Variants in FARP1 observed in about 807,000 individuals in gnomAD.
FARP1 encodes the protein FERM, ARH/RhoGEF and pleckstrin domain protein 1, also known as FERM, ARHGEF and pleckstrin domain-containing protein 1.
In FARP1, 52 loss-of-function variants were observed where a neutral mutation model predicts 128.8. That is an observed-to-expected ratio of 0.40 (90% CI 0.32 to 0.51). The LOEUF is 0.51. Ranked by LOEUF, FARP1 falls within the 20% of genes least tolerant of loss-of-function variation. The probability of loss-of-function intolerance (pLI) is 0.45; values close to 1 mark genes in which losing one functional copy is unlikely to be tolerated. For synonymous variants in FARP1, 580 were observed against 551.8 expected (o/e 1.05, Z -0.72); for missense variants, 1,333 against 1,367.9 (o/e 0.97, Z 0.40).
intron 18 of FARP1, chr13:98,431,799 C>T (rs1030756786): frequency 1.3e-4 from 20 of 152,496 alleles, no homozygotes; most frequent in African/African-American, 4.6e-4. Context: ...TGATGATCGT[C>T]AGGACCCCTT....
rs182230789 is a variant in FARP1, at chr13:98,170,692, A to G, written c.-24+27200A>G. The stretch of plus-strand genomic sequence containing the variant: ...TTTTTAGTAGAGACAGGGTTTTACC[A>G]TGTTGGTCAGGCTGGTCTCGAACTC... On this transcript the variant is annotated intron_variant, in intron 1 of 26. Coordinates refer to ENST00000319562, the MANE Select transcript of FARP1 (RefSeq NM_005766.4). 3.5e-3 allele frequency among the ~76,000 whole-genome samples: 523 copies of G among 150,486 alleles called. 4 individuals are homozygous for G. The highest frequency in any genetic ancestry group is 0.012 in the African/African-American group (498 of 40,692).
chr13:98,367,520 T>C (rs1335041664), intron 4 of FARP1, among the ~76,000 whole-genome samples: 3 of 151,902 alleles, frequency 2.0e-5, no homozygotes, highest in Non-Finnish European at 2.9e-5. Flanking sequence ...GAAAAGTTGT[T>C]CATCTTATTC....
rs1364129327 is a variant in FARP1, at chr13:98,411,896, T to C, written c.1693-5T>C. On this transcript the variant is annotated splice_polypyrimidine_tract_variant and splice_region_variant and intron_variant, in intron 15 of 26. Transcript: ENST00000319562. Reference sequence around the variant, plus strand: ...CCCGTAAGTGCATCGTCTTCTTCTTTCCAGTGGTTTCAGAGCACAGTGAGC... The same window carrying C: ...CCCGTAAGTGCATCGTCTTCTTCTTCCCAGTGGTTTCAGAGCACAGTGAGC... 2 of 1,613,684 alleles carry C rather than the reference T, an allele frequency of 1.2e-6. No individual in the cohort carries two copies. Among genetic ancestry groups the C allele is most frequent in the Non-Finnish European group, 1.7e-6 (2 of 1,179,818 alleles).
At chr13:98,435,385 A>G in intron 18 of FARP1, 191 bp from the exon 19 acceptor site, 1 of 564,646 alleles carries the variant, frequency 1.8e-6, no homozygotes, top group Non-Finnish European at 3.0e-6. Flanking sequence ...TGCTAAAGTG[A>G]AGCAAATAAA....
chr13:98,211,006 G>A (rs1451510605), intron 1 of FARP1, among the ~76,000 whole-genome samples: 1 of 152,154 alleles, frequency 6.6e-6, no homozygotes, highest in African/African-American at 2.4e-5. Flanking sequence ...TTTGTAACTG[G>A]ATGCCCCAGC....
intron 3 of FARP1, among the ~76,000 whole-genome samples, chr13:98,350,344 T>G (rs1186990610): frequency 6.6e-6 from 1 of 152,206 alleles, no homozygotes; most frequent in Non-Finnish European, 1.5e-5. Context: ...ATTGCAGTTT[T>G]AAGTTGACAA....
At chr13:98,268,461 GT>G (rs1232608367) in intron 2 of FARP1, among the ~76,000 whole-genome samples, 1 of 152,066 alleles carries the variant, frequency 6.6e-6, no homozygotes, top group Non-Finnish European at 1.5e-5. Context: ...TAAAGATTCT[GT>G]TTCTCCCTTC....
Position 98,248,378 on chromosome 13 carries a change from C to A in FARP1, c.171+34965C>A, listed in dbSNP as rs141485486. Among the ~76,000 whole-genome samples, 153 of 152,228 alleles carry A rather than the reference C, an allele frequency of 1.0e-3. 3 individuals are homozygous for A. Among genetic ancestry groups the A allele is most frequent in the South Asian group, 9.7e-3 (47 of 4,824 alleles). Reference sequence around the variant, plus strand: ...AGCAGTGATGTGAGCTGTTTCTCCCCGGGTAGAGGGCTTCCCCAAGGTATT... The same window carrying A: ...AGCAGTGATGTGAGCTGTTTCTCCCAGGGTAGAGGGCTTCCCCAAGGTATT... On this transcript the variant is annotated intron_variant, in intron 2 of 26. Transcript: ENST00000319562.
chr13:98,189,532 A>G (rs1879091735), intron 1 of FARP1, among the ~76,000 whole-genome samples: 1 of 152,212 alleles, frequency 6.6e-6, no homozygotes, highest in Non-Finnish European at 1.5e-5. Context: ...AGCAGAACAG[A>G]AAGGAACTTG....
chr13:98,230,292 C>T (rs1882038899), intron 2 of FARP1, among the ~76,000 whole-genome samples: 1 of 143,350 alleles, frequency 7.0e-6, no homozygotes, highest in African/African-American at 3.0e-5. Flanking sequence ...TTTGGTCTTT[C>T]ACAGAAATTA....
At chr13:98,391,748 T>G (rs144122077) in intron 11 of FARP1, among the ~76,000 whole-genome samples, 7 of 152,162 alleles carry the variant, frequency 4.6e-5, no homozygotes, top group African/African-American at 1.4e-4. Flanking sequence ...GAGTCCCCAG[T>G]AGGTTAAATA....
At position 98,349,672 on chromosome 13, in the gene FARP1, GAAAAAAAAAAA is replaced by G. The variant is rs56376512; in HGVS notation, c.276+5826_276+5836del. 2.2e-3 allele frequency among the ~76,000 whole-genome samples: 132 copies of G among 59,860 alleles called. No homozygotes were observed. In the East Asian group the frequency reaches 0.033, roughly 15 times the overall value. The allele number at this position is 59,860 out of a possible 152,430, so 39.3% of individuals were successfully genotyped here. The stretch of plus-strand genomic sequence containing the variant: ...GCGACAGAGCAAGACCCATCTCAGG[GAAAAAAAAAAA>G]AAAAAAAAAAAAAAAAAAAGACAAT... On this transcript the variant is annotated intron_variant, in intron 3 of 26. Transcript: ENST00000319562.
Position 98,232,144 on chromosome 13 carries a change from G to GTTTTTTTTTTTTTTTTT in FARP1, c.171+18731_171+18732insTTTTTTTTTTTTTTTTT, listed in dbSNP as rs1555329634. On this transcript the variant is annotated intron_variant, in intron 2 of 26. Coordinates refer to ENST00000319562, the MANE Select transcript of FARP1 (RefSeq NM_005766.4). ...CGTGCCCGGCTTTTTTTGTTTGGTT[G>GTTTTTTTTTTTTTTTTT]GTTTTTTTTTTTTTTTTTTTTTGCT... Among the ~76,000 whole-genome samples the GTTTTTTTTTTTTTTTTT allele has an allele frequency of 1.8e-4, 20 of 111,678 alleles. 2 individuals are homozygous for GTTTTTTTTTTTTTTTTT. The highest frequency in any genetic ancestry group is 2.7e-4 in the South Asian group (1 of 3,758). 73.3% of individuals were successfully genotyped at this position (111,678 alleles called of 152,430 possible). A position where few individuals can be genotyped will look rare whatever the true frequency, so the allele number is the denominator to read the frequency against.
chr13:98,187,017 AAG>A (rs1555326131), intron 1 of FARP1, among the ~76,000 whole-genome samples: 6 of 150,102 alleles, frequency 4.0e-5, no homozygotes, highest in African/African-American at 1.2e-4. Flanking sequence ...AAAAAAAAAA[AAG>A]CCATTAACGT....
intron 1 of FARP1, among the ~76,000 whole-genome samples, chr13:98,166,771 G>C (rs1877296064): frequency 1.3e-5 from 2 of 148,896 alleles, no homozygotes; most frequent in Non-Finnish European, 3.0e-5. Flanking sequence ...CACTGTGGCT[G>C]AAGTGCAGTG....
intron 1 of FARP1, among the ~76,000 whole-genome samples, chr13:98,189,784 T>G (rs757070837): frequency 2.0e-5 from 3 of 152,358 alleles, no homozygotes; most frequent in Middle Eastern, 3.4e-3. Context: ...CCAGGAAAGA[T>G]TTCAGTTATA....
chr13:98,150,762 T>C (rs1485329100), intron 1 of FARP1, among the ~76,000 whole-genome samples: 2 of 151,964 alleles, frequency 1.3e-5, no homozygotes, highest in African/African-American at 2.4e-5. Flanking sequence ...AAAAAACCTA[T>C]AGAGGAAGAA....
At chr13:98,350,514 T>C (rs1888372215) in intron 3 of FARP1, among the ~76,000 whole-genome samples, 2 of 152,228 alleles carry the variant, frequency 1.3e-5, no homozygotes, top group East Asian at 1.9e-4. Flanking sequence ...CGGTCCAAAC[T>C]TGACATTAGG....
intron 2 of FARP1, among the ~76,000 whole-genome samples, chr13:98,314,078 C>A (rs1045498676): frequency 1.3e-5 from 2 of 151,920 alleles, no homozygotes; most frequent in Non-Finnish European, 2.9e-5. Context: ...GGGAGAAGAA[C>A]GTGTGTGCGG....
Sources: allele counts gnomAD v4.1 joint callset (sites outside exome capture counted in the v4.1 genomes callset), GRCh38; gene constraint gnomAD v4.1.1; transcripts MANE v1.5; gene names NCBI Gene and HGNC (gene_info 2026-07-23, HGNC 2026-07-21).